Variants in SKIC3 observed in about 807,000 individuals in gnomAD.
SKIC3 encodes the protein SKI3 subunit of superkiller complex.
the SKIC3 span, among the ~76,000 whole-genome samples, chr5:95,474,949 T>C: frequency 6.6e-6 from 1 of 152,222 alleles, no homozygotes; most frequent in Non-Finnish European, 1.5e-5. Context: ...ATTTTTCAGC[T>C]CTGGAAGTTC....
the SKIC3 span, among the ~76,000 whole-genome samples, chr5:95,491,841 T>G: frequency 6.6e-6 from 1 of 152,204 alleles, no homozygotes; most frequent in Non-Finnish European, 1.5e-5. Context: ...CCTGCTACTC[T>G]TAAAAAAACA....
At chr5:95,530,374 A>ACCAG in the SKIC3 span, 3 of 751,248 alleles carry the variant, frequency 4.0e-6, no homozygotes, top group Non-Finnish European at 6.5e-6. Flanking sequence ...ATTTAAATAG[A>ACCAG]CCAGCAAATG....
At chr5:95,517,007 AG>A in the SKIC3 span, 1 of 1,613,630 alleles carries the variant, frequency 6.2e-7, no homozygotes, top group East Asian at 2.2e-5. Context: ...ATTAATTCCA[AG>A]GTCACACCAT....
chr5:95,498,838 G>A, the SKIC3 span, among the ~76,000 whole-genome samples: 1 of 152,144 alleles, frequency 6.6e-6, no homozygotes, highest in Non-Finnish European at 1.5e-5. Flanking sequence ...TGTTAGCTAG[G>A]ATGGTCTCAA....
At chr5:95,516,279 G>T in the SKIC3 span, 1 of 1,500,824 alleles carries the variant, frequency 6.7e-7, no homozygotes, top group Non-Finnish European at 9.2e-7. Context: ...TCCACAAGAA[G>T]CTGAGCTATT....
the SKIC3 span, chr5:95,527,877 T>C: frequency 4.4e-6 from 4 of 916,078 alleles, no homozygotes; most frequent in Non-Finnish European, 6.8e-6. Context: ...GAATGACTTA[T>C]AAAAGTGCAG....
the SKIC3 span, among the ~76,000 whole-genome samples, chr5:95,542,371 C>A: frequency 3.9e-5 from 6 of 151,992 alleles, no homozygotes; most frequent in Non-Finnish European, 8.8e-5. Context: ...GAAATGACCA[C>A]CATAATCAAG....
the SKIC3 span, among the ~76,000 whole-genome samples, chr5:95,553,807 T>A: frequency 6.6e-6 from 1 of 152,152 alleles, no homozygotes; most frequent in African/African-American, 2.4e-5. Context: ...GATCCGCCCG[T>A]CTCGGCTTCC....
the SKIC3 span, among the ~76,000 whole-genome samples, chr5:95,549,748 A>T: frequency 3.8e-3 from 565 of 149,970 alleles, 1 homozygote; most frequent in African/African-American, 0.014. Flanking sequence ...CTTTTTTTTT[A>T]ATTTTTATTT....
chr5:95,500,801 G>T, the SKIC3 span, among the ~76,000 whole-genome samples: 10 of 151,968 alleles, frequency 6.6e-5, no homozygotes, highest in African/African-American at 2.2e-4. Context: ...AATTTAGCAG[G>T]TCTAAGTTTT....
chr5:95,553,566 TG>T, the SKIC3 span, among the ~76,000 whole-genome samples: 2 of 152,070 alleles, frequency 1.3e-5, no homozygotes, highest in East Asian at 3.8e-4. Context: ...TTTTTGTTTT[TG>T]TTTTTTTTTT....
At chr5:95,527,046 T>C in the SKIC3 span, among the ~76,000 whole-genome samples, 1 of 152,212 alleles carries the variant, frequency 6.6e-6, no homozygotes, top group Non-Finnish European at 1.5e-5. Context: ...CATGAACACA[T>C]GGATTTAAAA....
the SKIC3 span, among the ~76,000 whole-genome samples, chr5:95,465,540 T>G: frequency 2.0e-5 from 3 of 152,196 alleles, no homozygotes; most frequent in Admixed American, 2.0e-4. Context: ...CTGCTCTATT[T>G]GGAAGCTAAC....
At chr5:95,492,701 A>G in the SKIC3 span, among the ~76,000 whole-genome samples, 1,576 of 135,724 alleles carry the variant, frequency 0.012, 47 homozygotes, top group African/African-American at 0.041. Context: ...AAGACAACTA[A>G]ACTAGATAAC....
At chr5:95,471,298 A>G in the SKIC3 span, among the ~76,000 whole-genome samples, 1 of 152,210 alleles carries the variant, frequency 6.6e-6, no homozygotes, top group South Asian at 2.1e-4. Context: ...CTATGAAATC[A>G]TATAAAACAC....
At chr5:95,543,156 A>C in the SKIC3 span, 1 of 1,612,608 alleles carries the variant, frequency 6.2e-7, no homozygotes, top group African/African-American at 1.3e-5. Flanking sequence ...CCATTTCCAT[A>C]ATACAGAAAA....
At chr5:95,543,316 CT>C in the SKIC3 span, 1 of 1,613,890 alleles carries the variant, frequency 6.2e-7, no homozygotes, top group East Asian at 2.2e-5. Context: ...TTTTCTCTTG[CT>C]TTAACACTGT....
chr5:95,468,333 T>TTAA, the SKIC3 span, among the ~76,000 whole-genome samples: 1 of 152,146 alleles, frequency 6.6e-6, no homozygotes, highest in African/African-American at 2.4e-5. Context: ...ATAATCTACT[T>TTAA]TGAGTGCTCT....
the SKIC3 span, chr5:95,515,157 A>C: frequency 1.6e-5 from 7 of 442,784 alleles, no homozygotes; most frequent in Non-Finnish European, 2.9e-5. Context: ...GAACCCTAGC[A>C]AAAAAGGGTT....
Sources: allele counts gnomAD v4.1 joint callset (sites outside exome capture counted in the v4.1 genomes callset), GRCh38; gene constraint gnomAD v4.1.1; transcripts MANE v1.5; gene names NCBI Gene and HGNC (gene_info 2026-07-23, HGNC 2026-07-21).